The following TNRC6A variants were observed in gnomAD, a reference collection of about 807,000 sequenced individuals.
TNRC6A encodes trinucleotide repeat-containing gene 6A protein.
Under a neutral mutation model 221.2 loss-of-function variants are expected in TNRC6A, and 44 were observed. The observed-to-expected ratio is 0.20, with a 90% CI of 0.16 to 0.26. TNRC6A has a LOEUF of 0.26. Among genes scored for constraint, TNRC6A ranks in the 10% least tolerant of loss-of-function variants. TNRC6A has a pLI of 1.00. For missense variants in TNRC6A, 2,199 were observed against 2,404.4 expected (o/e 0.91, Z 1.79); for synonymous variants, 847 against 838.5 (o/e 1.01, Z -0.18).
At chr16:24,720,018 A>G (rs982899156) in intron 2 of TNRC6A, among the ~76,000 whole-genome samples, 1 of 152,110 alleles carries the variant, frequency 6.6e-6, no homozygotes. Context: ...GAGAGGGGAA[A>G]GATGAGGAGG....
At chr16:24,746,587 C>T (rs1238952999) in intron 2 of TNRC6A, among the ~76,000 whole-genome samples, 5 of 152,264 alleles carry the variant, frequency 3.3e-5, no homozygotes, top group South Asian at 2.1e-4. Context: ...TTTTATGCTG[C>T]GGTGTCTATC....
chr16:24,704,660 G>A (rs1236136884), intron 2 of TNRC6A, among the ~76,000 whole-genome samples: 9 of 36,738 alleles, frequency 2.4e-4, no homozygotes, highest in South Asian at 1.3e-3. Context: ...ACAAGACTCC[G>A]TCTCAAAAAA....
At chr16:24,666,668 AATATATATAT>A (rs1555487102) in intron 2 of TNRC6A, among the ~76,000 whole-genome samples, 1 of 65,138 alleles carries the variant, frequency 1.5e-5, no homozygotes, top group East Asian at 5.3e-4. Flanking sequence ...AAAAAAAAAA[AATATATATAT>A]ATATATATAT....
intron 2 of TNRC6A, among the ~76,000 whole-genome samples, chr16:24,706,977 ATTTTTATTTATGTATT>A (rs1006754487): frequency 1.1e-4 from 12 of 113,824 alleles, no homozygotes; most frequent in African/African-American, 3.5e-4. Flanking sequence ...TTATTTATCT[ATTTTTATTTATGTATT>A]TATTTATTTA....
chr16:24,693,517 G>A (rs753427052), intron 2 of TNRC6A, among the ~76,000 whole-genome samples: 2 of 152,254 alleles, frequency 1.3e-5, no homozygotes, highest in Non-Finnish European at 2.9e-5. Context: ...GAATCCGGGA[G>A]GCAGAGGTTG....
At chr16:24,773,839 T>G (rs532527397) in intron 4 of TNRC6A, among the ~76,000 whole-genome samples, 3 of 152,298 alleles carry the variant, frequency 2.0e-5, no homozygotes, top group Non-Finnish European at 4.4e-5. Flanking sequence ...TTAGCCTTTC[T>G]TGGTTGTATA....
chr16:24,729,774 C>A lies in TNRC6A; in HGVS notation c.-68C>A. ...CAGCGGCTCGGGCCTCTCCCCGCGG[C>A]GCTGCGGAGGGCTTGAGGCTCGCGA... On this transcript the variant is annotated 5_prime_UTR_variant, in exon 1 of 25. Transcript: ENST00000395799. 1 of 1,381,070 alleles carries A rather than the reference C, an allele frequency of 7.2e-7. No homozygotes were observed. Among genetic ancestry groups the A allele is most frequent in the South Asian group, 1.7e-5 (1 of 60,252 alleles). The allele number at this position is 1,381,070 out of a possible 1,614,324, so 85.6% of individuals were successfully genotyped here.
intron 2 of TNRC6A, among the ~76,000 whole-genome samples, chr16:24,655,175 T>C (rs1454119676): frequency 1.3e-5 from 2 of 151,638 alleles, no homozygotes; most frequent in Non-Finnish European, 2.9e-5. Flanking sequence ...GCCCAGGAGG[T>C]AGAGGCTATA....
intron 2 of TNRC6A, among the ~76,000 whole-genome samples, chr16:24,711,317 C>A (rs1161026672): frequency 6.6e-6 from 1 of 151,992 alleles, no homozygotes; most frequent in African/African-American, 2.4e-5. Context: ...CCTCATCAGA[C>A]TTTTTTTGAG....
chr16:24,698,966 C>T (rs1487494128), intron 2 of TNRC6A, among the ~76,000 whole-genome samples: 1 of 152,114 alleles, frequency 6.6e-6, no homozygotes, highest in Non-Finnish European at 1.5e-5. Flanking sequence ...ACCTTGGCCT[C>T]CTAAAGTGCT....
At chr16:24,735,568 A>G (rs990498386) in intron 2 of TNRC6A, among the ~76,000 whole-genome samples, 2 of 152,164 alleles carry the variant, frequency 1.3e-5, no homozygotes, top group African/African-American at 4.8e-5. Context: ...TAGGTGGTAA[A>G]TCACTTGATA....
chr16:24,790,110 C>G lies in TNRC6A; in HGVS notation c.1468C>G (p.His490Asp), dbSNP rs751157814. The change falls in exon 6 of 25, where the codon CAT (histidine) becomes GAT (aspartate). Residue 490 changes from histidine (H) to aspartate (D), a missense_variant. By Grantham distance (81) the His-to-Asp change is moderately conservative. This residue lies in a region of TNRC6A where 1,405 missense variants were observed against 1,400.2 expected (regional missense o/e 1.00). Coordinates refer to ENST00000395799, the MANE Select transcript of TNRC6A (RefSeq NM_014494.4). ...GGCCTGGCGTGTGAGCACAATGAAT[C>G]ATCCTCAGATGCAGGCTCCATCAGG... ...TGAWRVSTMN[H>D]PQMQAPSGMN... 2.5e-6 allele frequency: 4 copies of G among 1,614,062 alleles called. No individual in the cohort carries two copies. Among genetic ancestry groups the G allele is most frequent in the Non-Finnish European group, 3.4e-6 (4 of 1,180,034 alleles).
At chr16:24,761,006 A>C (rs2057352037) in intron 4 of TNRC6A, among the ~76,000 whole-genome samples, 1 of 152,192 alleles carries the variant, frequency 6.6e-6, no homozygotes, top group East Asian at 1.9e-4. Context: ...TATCCTGTAC[A>C]TTTTAAAATG....
At chr16:24,687,256 C>T (rs2055645785) in intron 2 of TNRC6A, among the ~76,000 whole-genome samples, 1 of 152,126 alleles carries the variant, frequency 6.6e-6, no homozygotes, top group Non-Finnish European at 1.5e-5. Flanking sequence ...ATCTCCCCTA[C>T]TTGAGTGATG....
Position 24,823,419 on chromosome 16 carries a change from C to T in TNRC6A, c.5514-13C>T, listed in dbSNP as rs771291309. The T allele has an allele frequency of 6.3e-7, 1 of 1,598,398 alleles. No individual in the cohort carries two copies. Among genetic ancestry groups the T allele is most frequent in the East Asian group, 2.2e-5 (1 of 44,628 alleles). On this transcript the variant is annotated splice_polypyrimidine_tract_variant and intron_variant, in intron 24 of 24. Transcript: ENST00000395799. This position sits in a 1 kb window ranked among gnomAD's most constrained non-coding sequence, Gnocchi z 4.3. ...TGCTGTCCTCACGTGTCCGCGGTGC[C>T]TCTCTCCTCTAGGTGTGTACTGGGG...
intron 1 of TNRC6A, among the ~76,000 whole-genome samples, chr16:24,617,331 G>C (rs757675061): frequency 6.6e-6 from 1 of 151,992 alleles, no homozygotes; most frequent in African/African-American, 2.4e-5. Context: ...GTCTCACTAC[G>C]TTGCCCAGGC....
intron 2 of TNRC6A, among the ~76,000 whole-genome samples, chr16:24,730,658 A>G (rs1208457352): frequency 1.3e-5 from 2 of 151,622 alleles, no homozygotes; most frequent in Admixed American, 1.3e-4. Flanking sequence ...CGGGCTGTCA[A>G]ACTGTTTTGG....
At chr16:24,675,722 A>G (rs1301548184) in intron 2 of TNRC6A, among the ~76,000 whole-genome samples, 3 of 134,384 alleles carry the variant, frequency 2.2e-5, no homozygotes, top group African/African-American at 8.2e-5. Context: ...ATATATATAT[A>G]TATATATATA....
chr16:24,634,602 T>G (rs1406615806), intron 1 of TNRC6A, among the ~76,000 whole-genome samples: 1 of 152,220 alleles, frequency 6.6e-6, no homozygotes, highest in Admixed American at 6.5e-5. Flanking sequence ...TATTCGGCCA[T>G]CGTCTCTATA....
Sources: allele counts gnomAD v4.1 joint callset (sites outside exome capture counted in the v4.1 genomes callset), GRCh38; gene constraint gnomAD v4.1.1; regional missense constraint gnomAD v4.1.1; non-coding constraint Gnocchi (gnomAD v3.1); transcripts MANE v1.5; gene names NCBI Gene and HGNC (gene_info 2026-07-23, HGNC 2026-07-21).